Variants in PCDHGA3 observed in about 807,000 individuals in gnomAD.
The protein encoded by PCDHGA3 is protocadherin gamma-A3.
PCDHGA3 carries 40 observed loss-of-function variants against 58.5 expected under a neutral mutation model. The observed-to-expected ratio is 0.68, with a 90% CI of 0.53 to 0.89. The LOEUF (loss-of-function observed/expected upper bound fraction) is 0.89. Ranked by LOEUF, PCDHGA3 falls within the 40% of genes least tolerant of loss-of-function variation. PCDHGA3 has a pLI of 0.00. For missense variants in PCDHGA3, 1,223 were observed against 1,195.9 expected, an observed-to-expected ratio of 1.02 and a Z score of -0.33; for synonymous variants, 530 against 525.7, an observed-to-expected ratio of 1.01 and a Z score of -0.11.
intron 1 of PCDHGA3, chr5:141,415,379 G>T: frequency 3.7e-6 from 6 of 1,614,250 alleles, no homozygotes; most frequent in Non-Finnish European, 3.4e-6. Flanking sequence ...TCAGGAGGCG[G>T]CTTGACAGGT....
intron 1 of PCDHGA3, chr5:141,399,930 C>G (rs1168427748): frequency 6.2e-7 from 1 of 1,612,208 alleles, no homozygotes. Context: ...CCTGGCTGTC[C>G]TACCACGTGC....
At chr5:141,502,932 C>T (rs1039438031) in intron 2 of PCDHGA3, among the ~76,000 whole-genome samples, 2 of 143,766 alleles carry the variant, frequency 1.4e-5, no homozygotes, top group African/African-American at 5.3e-5. Context: ...CAACCTTCAC[C>T]TCCTGGGTTC....
intron 1 of PCDHGA3, among the ~76,000 whole-genome samples, chr5:141,429,377 G>GT (rs566693637): frequency 0.17 from 24,737 of 149,382 alleles, 2,566 homozygotes; most frequent in African/African-American, 0.31. Context: ...GAGAAAATGT[G>GT]TTTTTTTTTT....
At chr5:141,370,379 A>AGGCGCAGAGAGCGGGAAG in intron 1 of PCDHGA3, 1 of 1,529,484 alleles carries the variant, frequency 6.5e-7, no homozygotes, top group Non-Finnish European at 8.8e-7. Context: ...AGAAAGGCAA[A>AGGCGCAGAGAGCGGGAAG]GGCGCAGAGA....
intron 1 of PCDHGA3, among the ~76,000 whole-genome samples, chr5:141,451,032 A>G: frequency 6.6e-6 from 1 of 150,486 alleles, no homozygotes; most frequent in Non-Finnish European, 1.5e-5. Context: ...GTTTCACCAT[A>G]TTGGCCAGGC....
At chr5:141,415,688 T>A (rs373105795) in intron 1 of PCDHGA3, 395 of 1,545,880 alleles carry the variant, frequency 2.6e-4, no homozygotes, top group Non-Finnish European at 3.3e-4. Context: ...GGCATGATGG[T>A]GGAAAGTGTA....
At chr5:141,376,368 A>C in intron 1 of PCDHGA3, 1 of 1,613,920 alleles carries the variant, frequency 6.2e-7, no homozygotes, top group Non-Finnish European at 8.5e-7. Flanking sequence ...CTCACTGCAG[A>C]CTCGCGTAAG....
intron 1 of PCDHGA3, chr5:141,384,713 C>T (rs1780398191): frequency 4.3e-6 from 7 of 1,614,104 alleles, no homozygotes; most frequent in Non-Finnish European, 5.9e-6. Context: ...GCCTGGCTGT[C>T]ATACCTCCTG....
At chr5:141,375,266 G>A in intron 1 of PCDHGA3, 1 of 1,613,846 alleles carries the variant, frequency 6.2e-7, no homozygotes, top group Non-Finnish European at 8.5e-7. Flanking sequence ...ATTTGAATTG[G>A]AAAAATCAGT....
rs200064261 is a variant in PCDHGA3, at chr5:141,487,515, G to A, written c.2425-7292G>A. 3.7e-5 allele frequency: 59 copies of A among 1,614,018 alleles called. No homozygotes were observed. The highest frequency in any genetic ancestry group is 8.8e-5 in the South Asian group (8 of 91,086). On this transcript the variant is annotated intron_variant, in intron 1 of 3. Coordinates refer to ENST00000253812, the MANE Select transcript of PCDHGA3 (RefSeq NM_018916.4). The surrounding 1 kb of genome is among the most constrained non-coding windows in gnomAD (Gnocchi z 5.0). Reference sequence around the variant, plus strand: ...ACACCCTTGGCTTCTGCACCCACTCGGAGTGATAGCTTCATGATGGTGAAG... The same window carrying A: ...ACACCCTTGGCTTCTGCACCCACTCAGAGTGATAGCTTCATGATGGTGAAG...
chr5:141,450,556 G>A lies in PCDHGA3; in HGVS notation c.2425-44251G>A, dbSNP rs534127421. Among the ~76,000 whole-genome samples, 5 of 151,822 alleles carry A rather than the reference G, an allele frequency of 3.3e-5. 1 individual carries two copies. Among genetic ancestry groups the A allele is most frequent in the South Asian group, 2.1e-4 (1 of 4,804 alleles). On this transcript the variant is annotated intron_variant, in intron 1 of 3. Transcript: ENST00000253812. ...GGCTGGAATGCAGTGGCGCAGTCTCGGCTCACTGCAACTTCTGCCTCCCAG... is the reference window on the plus strand; with the variant it reads ...GGCTGGAATGCAGTGGCGCAGTCTCAGCTCACTGCAACTTCTGCCTCCCAG...
At chr5:141,426,442 G>A (rs1205822455) in intron 1 of PCDHGA3, 9 of 306,752 alleles carry the variant, frequency 2.9e-5, no homozygotes, top group African/African-American at 4.3e-5. Context: ...CCTTGCGGAG[G>A]ACATGCGGCT....
chr5:141,421,055 C>A, intron 1 of PCDHGA3: 2 of 577,118 alleles, frequency 3.5e-6, no homozygotes, highest in South Asian at 2.4e-5. Flanking sequence ...GCCTCTACCA[C>A]ACAAAGCGGA....
At chr5:141,354,157 A>C (rs977165486) in intron 1 of PCDHGA3, among the ~76,000 whole-genome samples, 1 of 152,244 alleles carries the variant, frequency 6.6e-6, no homozygotes, top group African/African-American at 2.4e-5. Context: ...TGTCATGTGA[A>C]AAAATCACTA....
At chr5:141,427,228 T>C (rs2097002884) in intron 1 of PCDHGA3, 1 of 456,550 alleles carries the variant, frequency 2.2e-6, no homozygotes, top group South Asian at 1.5e-5. Context: ...AGTTATACCA[T>C]GAGAGTAGAA....
intron 1 of PCDHGA3, among the ~76,000 whole-genome samples, chr5:141,458,408 C>A (rs895785923): frequency 6.6e-6 from 1 of 151,932 alleles, no homozygotes; most frequent in East Asian, 1.9e-4. Flanking sequence ...AGAGACGGAG[C>A]GGGGGTTCCA....
chr5:141,418,980 A>T, intron 1 of PCDHGA3: 1 of 1,614,004 alleles, frequency 6.2e-7, no homozygotes. Flanking sequence ...ACACGGGACC[A>T]AGACTCAGGG....
chr5:141,352,640 A>G, intron 1 of PCDHGA3: 1 of 1,608,046 alleles, frequency 6.2e-7, no homozygotes, highest in Non-Finnish European at 8.5e-7. Context: ...AGATCACAAA[A>G]TCGCTTATGA....
chr5:141,442,317 A>T (rs1257883989), intron 1 of PCDHGA3: 2 of 152,400 alleles, frequency 1.3e-5, no homozygotes, highest in Admixed American at 6.5e-5. Context: ...ACGGATGTCT[A>T]TCCCGCGCTA....
Sources: gnomAD v4.1 joint callset for allele counts (sites outside exome capture counted in the v4.1 genomes callset) on GRCh38, gnomAD v4.1.1 for gene constraint, Gnocchi (gnomAD v3.1) non-coding constraint, MANE v1.5 for transcripts, NCBI Gene and HGNC (gene_info 2026-07-23, HGNC 2026-07-21) for gene names.